NDUFAF6: variants seen among roughly 807,000 people sequenced by gnomAD.
The protein encoded by NDUFAF6 is NADH dehydrogenase (ubiquinone) complex I, assembly factor 6.
Under a neutral mutation model 40.8 loss-of-function variants are expected in NDUFAF6, and 45 were observed. The ratio of observed to expected loss-of-function variants is 1.10; its 90% CI spans 0.87 to 1.42. NDUFAF6 has a LOEUF of 1.42. Ranked by LOEUF, NDUFAF6 falls within the 40% of genes most tolerant of loss-of-function variation. The pLI is 0.00. For missense variants in NDUFAF6, 435 were observed against 418.5 expected, an observed-to-expected ratio of 1.04 and a Z score of -0.34; for synonymous variants, 185 against 155.9, an observed-to-expected ratio of 1.19 and a Z score of -1.39.
intron 2 of NDUFAF6, among the ~76,000 whole-genome samples, chr8:94,981,957 C>T (rs1037567136): frequency 6.6e-6 from 1 of 150,828 alleles, no homozygotes; most frequent in South Asian, 2.1e-4. Flanking sequence ...TGGCCAGGCG[C>T]GGTGGCTCAC....
rs370048670 is a variant in NDUFAF6 at position 94,914,856 on chromosome 8, CAT to C, written c.-936+18930_-936+18931del. On this transcript the variant is annotated intron_variant, in intron 1 of 14. Coordinates refer to the NDUFAF6 transcript ENST00000396113. Reference sequence around the variant, plus strand: ...AAAAAAAAAATACAAAAGTGAGTAACATGTGGAACCACATATACATAGAGGTC... The same window carrying C: ...AAAAAAAAAATACAAAAGTGAGTAACGTGGAACCACATATACATAGAGGTC... Among the ~76,000 whole-genome samples, 8 of 152,018 alleles carry C rather than the reference CAT, an allele frequency of 5.3e-5. 1 individual carries two copies. The highest frequency in any genetic ancestry group is 1.9e-4 in the African/African-American group (8 of 41,482).
At chr8:95,083,249 T>G (rs544427465) in intron 2 of NDUFAF6, among the ~76,000 whole-genome samples, 10 of 64,862 alleles carry the variant, frequency 1.5e-4, no homozygotes, top group African/African-American at 7.0e-4. Context: ...AATTCTTCCT[T>G]TCTCCACTAA....
Position 95,058,071 on chromosome 8 carries a change from A to G in NDUFAF6, c.*134A>G. ...GAATGGGATGTCAAGTAGCTCACAA[A>G]ATTGAGAAGTTGCCGTGGGACTAGG... On this transcript the variant is annotated 3_prime_UTR_variant, in exon 9 of 9. Coordinates refer to ENST00000396124, the MANE Select transcript of NDUFAF6 (RefSeq NM_152416.4). 8 of 1,469,270 alleles carry G rather than the reference A, an allele frequency of 5.4e-6. No individual in the cohort carries two copies. The highest frequency in any genetic ancestry group is 7.1e-6 in the Non-Finnish European group (8 of 1,119,768). The allele number at this position is 1,469,270 out of a possible 1,614,324, so 91.0% of individuals were successfully genotyped here. A position where few individuals can be genotyped will look rare whatever the true frequency, so the allele number is the denominator to read the frequency against.
At chr8:95,085,685 T>TAAAAG (rs1809024647) in intron 2 of NDUFAF6, 6 of 148,726 alleles carry the variant, frequency 4.0e-5, no homozygotes, top group African/African-American at 5.1e-5. Context: ...AAAAAAAAAT[T>TAAAAG]TTAAGAGATA....
At chr8:95,062,081 C>T (rs1832584541), downstream of NDUFAF6, among the ~76,000 whole-genome samples, 1 of 151,360 alleles carries the variant, frequency 6.6e-6, no homozygotes, top group Admixed American at 6.6e-5. Context: ...TGTTTGAGCA[C>T]AGGAGGTGGA....
At chr8:94,926,037 A>C (rs1819860862) in intron 1 of NDUFAF6, 1 of 152,658 alleles carries the variant, frequency 6.6e-6, no homozygotes, top group Admixed American at 6.5e-5. Flanking sequence ...TGCAAAATGC[A>C]CCACAACCCA....
Position 95,088,689 on chromosome 8 carries a change from TTGTGTGTGTG to T in NDUFAF6, n.214-12413_214-12404del, listed in dbSNP as rs545260109. Among the ~76,000 whole-genome samples, 147 of 142,378 alleles carry T rather than the reference TTGTGTGTGTG, an allele frequency of 1.0e-3. 3 individuals are homozygous for T. In the East Asian group the frequency reaches 0.02, roughly 19 times the overall value. 93.4% of individuals were successfully genotyped at this position (142,378 alleles called of 152,430 possible). On this transcript the variant is annotated intron_variant and non_coding_transcript_variant, in intron 2 of 5. Transcript: ENST00000523184. ...TCAGCCAAGTCACTTTTTTGGGGTT[TTGTGTGTGTG>T]TGTGTGTGTGTGTGTGTGTGTGTGT...
At chr8:94,981,038 G>A (rs1263667826) in intron 2 of NDUFAF6, 2 of 453,130 alleles carry the variant, frequency 4.4e-6, no homozygotes, top group Admixed American at 4.7e-5. Flanking sequence ...CCCCACCCCA[G>A]TATTACCATG....
intron 1 of NDUFAF6, among the ~76,000 whole-genome samples, chr8:94,973,601 G>A (rs577152325): frequency 1.8e-4 from 27 of 152,080 alleles, no homozygotes; most frequent in Middle Eastern, 3.4e-3. Flanking sequence ...CCAGCTACTC[G>A]GGAGGCTGAG....
upstream of NDUFAF6, among the ~76,000 whole-genome samples, chr8:95,097,026 G>A (rs1587271753): frequency 6.6e-6 from 1 of 152,194 alleles, no homozygotes; most frequent in African/African-American, 2.4e-5. Context: ...TACCCAATGA[G>A]GCCTAACAGG....
At chr8:94,976,501 CAAAAAAA>C (rs35323204) in intron 1 of NDUFAF6, among the ~76,000 whole-genome samples, 53 of 91,938 alleles carry the variant, frequency 5.8e-4, no homozygotes, top group Middle Eastern at 6.6e-3. Flanking sequence ...CACTCCATCT[CAAAAAAA>C]AAAAAAAAAA....
At chr8:95,016,891 G>GCCT (rs1049513916) in intron 2 of NDUFAF6, among the ~76,000 whole-genome samples, 1 of 150,882 alleles carries the variant, frequency 6.6e-6, no homozygotes. Flanking sequence ...GGCATCTGGT[G>GCCT]CCTCCTCCTC....
chr8:94,972,192 T>C (rs1824524944), intron 1 of NDUFAF6, among the ~76,000 whole-genome samples: 1 of 152,164 alleles, frequency 6.6e-6, no homozygotes, highest in African/African-American at 2.4e-5. Context: ...ACTGTTTTGG[T>C]CCATGGAGTA....
chr8:94,925,760 G>A (rs1039609150), intron 1 of NDUFAF6, among the ~76,000 whole-genome samples: 49 of 152,218 alleles, frequency 3.2e-4, no homozygotes, highest in African/African-American at 1.1e-3. Flanking sequence ...GGCTGATCTC[G>A]AACTTCTGGC....
At chr8:95,041,323 TAGC>T (rs1830122303) in intron 3 of NDUFAF6, among the ~76,000 whole-genome samples, 1 of 152,240 alleles carries the variant, frequency 6.6e-6, no homozygotes, top group African/African-American at 2.4e-5. Flanking sequence ...GTTAAATTAT[TAGC>T]AGTATAGGAA....
At chr8:95,101,337 T>A (rs552058993) in intron 2 of NDUFAF6, 1 of 152,314 alleles carries the variant, frequency 6.6e-6, no homozygotes, top group Non-Finnish European at 1.5e-5. Flanking sequence ...GAATCTTAGA[T>A]TTGGAAGGGA....
chr8:94,942,202 A>G (rs1821608166), intron 1 of NDUFAF6, among the ~76,000 whole-genome samples: 1 of 151,552 alleles, frequency 6.6e-6, no homozygotes. Flanking sequence ...ACATCCGGCT[A>G]ATTTCTTTTT....
chr8:95,058,145 T>C lies in NDUFAF6; in HGVS notation c.*208T>C, dbSNP rs12334742. The C allele has an allele frequency of 6.0e-3, 8,729 of 1,443,382 alleles. 444 individuals carry two copies. The African/African-American group carries it at 0.11, about 18-fold the overall frequency. 89.4% of individuals were successfully genotyped at this position (1,443,382 alleles called of 1,614,324 possible). On this transcript the variant is annotated 3_prime_UTR_variant, in exon 9 of 9. Transcript: ENST00000396124. ...GCAGAGGCACTGCCATTGGCACCCC[T>C]GGCCCAGACAGTGTCTGCTGTGCTG... is the stretch of plus-strand genomic sequence containing the variant.
At chr8:94,968,121 G>A (rs529422748) in intron 1 of NDUFAF6, among the ~76,000 whole-genome samples, 7 of 152,272 alleles carry the variant, frequency 4.6e-5, no homozygotes, top group African/African-American at 1.4e-4. Flanking sequence ...GGGAGTTGCG[G>A]GTGGAAAGGA....
Sources: gnomAD v4.1 joint callset for allele counts (sites outside exome capture counted in the v4.1 genomes callset) on GRCh38, gnomAD v4.1.1 for gene constraint, MANE v1.5 for transcripts, NCBI Gene and HGNC (gene_info 2026-07-23, HGNC 2026-07-21) for gene names.